Variants in CIROZ observed in about 807,000 individuals in gnomAD.
CIROZ encodes the protein ciliated left-right organizer protein containing ZP-N domains.
At chr1:10,968,021 G>A in the CIROZ span, among the ~76,000 whole-genome samples, 936 of 151,972 alleles carry the variant, frequency 6.2e-3, 12 homozygotes, top group African/African-American at 0.021. Flanking sequence ...CGTTCGGCGC[G>A]GTGGGGGGGC....
At chr1:10,969,248 C>T in the CIROZ span, among the ~76,000 whole-genome samples, 4 of 152,078 alleles carry the variant, frequency 2.6e-5, no homozygotes, top group East Asian at 3.9e-4. Context: ...TTGCAGCCAC[C>T]GAGATGCAGA....
chr1:10,964,800 T>G, the CIROZ span, among the ~76,000 whole-genome samples: 4 of 152,040 alleles, frequency 2.6e-5, no homozygotes, highest in African/African-American at 9.7e-5. Flanking sequence ...CCGTCTAATT[T>G]TTGTATTTTT....
the CIROZ span, among the ~76,000 whole-genome samples, chr1:10,955,720 T>G: frequency 6.6e-6 from 1 of 151,628 alleles, no homozygotes; most frequent in Non-Finnish European, 1.5e-5. Flanking sequence ...GGCGGGTGCC[T>G]GTAATCCCAG....
At chr1:10,977,353 T>C in the CIROZ span, among the ~76,000 whole-genome samples, 2 of 151,570 alleles carry the variant, frequency 1.3e-5, no homozygotes, top group Non-Finnish European at 2.9e-5. Flanking sequence ...CGTGGTGGCG[T>C]GCGCCTGTAA....
At chr1:10,972,465 A>ACACACT in the CIROZ span, among the ~76,000 whole-genome samples, 19 of 148,716 alleles carry the variant, frequency 1.3e-4, no homozygotes, top group Non-Finnish European at 1.9e-4. Flanking sequence ...ACACACACAC[A>ACACACT]CTCTAGAATT....
the CIROZ span, among the ~76,000 whole-genome samples, chr1:10,981,696 C>T: frequency 5.3e-5 from 8 of 152,272 alleles, no homozygotes; most frequent in African/African-American, 1.9e-4. Context: ...GTTTTAAGGA[C>T]CCTCTAGGAC....
chr1:10,948,294 T>C, the CIROZ span: 3 of 1,613,724 alleles, frequency 1.9e-6, no homozygotes, highest in East Asian at 6.7e-5. Flanking sequence ...GCACGTTTCC[T>C]GGGGCTCTCC....
the CIROZ span, among the ~76,000 whole-genome samples, chr1:10,979,236 C>T: frequency 2.0e-5 from 3 of 152,028 alleles, no homozygotes. Flanking sequence ...TCAAGTTATT[C>T]GCCCACCTCA....
the CIROZ span, among the ~76,000 whole-genome samples, chr1:10,951,745 A>AAAAAAAAAAAT: frequency 6.7e-5 from 8 of 119,202 alleles, no homozygotes; most frequent in Non-Finnish European, 1.2e-4. Context: ...AAAAAAAAAA[A>AAAAAAAAAAAT]ATATATATAT....
chr1:10,946,631 C>A, the CIROZ span: 1 of 152,138 alleles, frequency 6.6e-6, no homozygotes, highest in Non-Finnish European at 1.5e-5. Context: ...AGTGCTCTTC[C>A]GGCCCAGAAC....
At chr1:10,966,217 G>T in the CIROZ span, 1 of 1,149,688 alleles carries the variant, frequency 8.7e-7, no homozygotes, top group Non-Finnish European at 1.2e-6. Context: ...AACTCCATGA[G>T]GGCAGAGACT....
chr1:10,965,087 G>A, the CIROZ span, among the ~76,000 whole-genome samples: 1 of 152,274 alleles, frequency 6.6e-6, no homozygotes, highest in South Asian at 2.1e-4. Context: ...CTTCAAAGAT[G>A]TCAAACCAAT....
At chr1:10,964,017 C>T in the CIROZ span, 20 of 1,366,676 alleles carry the variant, frequency 1.5e-5, 2 homozygotes, top group South Asian at 2.6e-4. Context: ...CACCTGTCTC[C>T]CTGGGCCACG....
the CIROZ span, among the ~76,000 whole-genome samples, chr1:10,977,955 G>T: frequency 6.6e-6 from 1 of 152,042 alleles, no homozygotes; most frequent in African/African-American, 2.4e-5. Context: ...GATCACCTGA[G>T]GTCAGGAGTT....
the CIROZ span, among the ~76,000 whole-genome samples, chr1:10,965,925 T>G: frequency 6.6e-6 from 1 of 152,168 alleles, no homozygotes; most frequent in Non-Finnish European, 1.5e-5. Context: ...AAGTGAGGGC[T>G]GTCAGTCAGT....
the CIROZ span, chr1:10,949,640 G>C: frequency 6.2e-7 from 1 of 1,605,016 alleles, no homozygotes; most frequent in Non-Finnish European, 8.5e-7. Flanking sequence ...CAGTGCGTCG[G>C]AAGGCCGGTG....
the CIROZ span, among the ~76,000 whole-genome samples, chr1:10,972,467 T>A: frequency 0.011 from 1,078 of 98,326 alleles, 14 homozygotes; most frequent in African/African-American, 0.031. Context: ...ACACACACAC[T>A]CTAGAATTAT....
the CIROZ span, chr1:10,955,108 A>T: frequency 6.2e-7 from 1 of 1,613,474 alleles, no homozygotes; most frequent in Admixed American, 1.7e-5. Context: ...GGTTTCCTCA[A>T]TGTAGGAACC....
the CIROZ span, chr1:10,964,107 C>T: frequency 6.2e-7 from 1 of 1,611,206 alleles, no homozygotes; most frequent in Non-Finnish European, 8.5e-7. Context: ...TGCCACCTCC[C>T]AGACCCCCCG....
Sources: gnomAD v4.1 joint callset for allele counts (sites outside exome capture counted in the v4.1 genomes callset) on GRCh38, gnomAD v4.1.1 for gene constraint, MANE v1.5 for transcripts, NCBI Gene and HGNC (gene_info 2026-07-23, HGNC 2026-07-21) for gene names.